KIF16B: variants seen among roughly 807,000 people sequenced by gnomAD.
KIF16B encodes the protein kinesin-like protein KIF16B.
A neutral mutation model predicts 156.3 loss-of-function variants in KIF16B; 98 were observed. The observed-to-expected ratio is 0.63, with a 90% CI of 0.53 to 0.74. KIF16B has a LOEUF of 0.74. KIF16B is among the 30% of genes least tolerant of loss of function. KIF16B has a pLI of 0.00. For missense variants in KIF16B, 1,421 were observed against 1,606.5 expected (o/e 0.88, Z 1.97); for synonymous variants, 564 against 583.7 (o/e 0.97, Z 0.49).
chr20:16,526,577 C>G (rs2147143803), intron 2 of KIF16B, among the ~76,000 whole-genome samples: 1 of 152,310 alleles, frequency 6.6e-6, no homozygotes, highest in Non-Finnish European at 1.5e-5. Flanking sequence ...TTGGCACCTT[C>G]TAAAGCTGTA....
At chr20:16,549,659 A>G (rs28763700) in intron 1 of KIF16B, among the ~76,000 whole-genome samples, 19,930 of 150,558 alleles carry the variant, frequency 0.13, 1,600 homozygotes, top group South Asian at 0.19. Flanking sequence ...ATATAGATCA[A>G]TGGAACAGAA....
At chr20:16,474,212 C>A (rs540091827) in intron 12 of KIF16B, among the ~76,000 whole-genome samples, 18 of 152,334 alleles carry the variant, frequency 1.2e-4, no homozygotes, top group African/African-American at 4.3e-4. Context: ...AAATATCTAA[C>A]CTGTTGACCA....
chr20:16,413,487 T>C (rs1464905756), intron 15 of KIF16B, among the ~76,000 whole-genome samples: 1 of 152,158 alleles, frequency 6.6e-6, no homozygotes, highest in Non-Finnish European at 1.5e-5. Context: ...ATAAAACAAC[T>C]CATTTTTTCT....
At chr20:16,392,141 C>T (rs1311133932) in intron 17 of KIF16B, among the ~76,000 whole-genome samples, 1 of 152,122 alleles carries the variant, frequency 6.6e-6, no homozygotes, top group African/African-American at 2.4e-5. Flanking sequence ...ATTTTGTTCC[C>T]AGCCCTCAGC....
intron 17 of KIF16B, among the ~76,000 whole-genome samples, chr20:16,392,723 C>T (rs1236522168): frequency 1.3e-5 from 2 of 152,194 alleles, no homozygotes; most frequent in Non-Finnish European, 2.9e-5. Flanking sequence ...CTCTCTGTTG[C>T]AGTGCATTTT....
At chr20:16,543,502 A>G (rs1390450921) in intron 1 of KIF16B, among the ~76,000 whole-genome samples, 1 of 152,234 alleles carries the variant, frequency 6.6e-6, no homozygotes, top group Non-Finnish European at 1.5e-5. Flanking sequence ...CTCATTACAC[A>G]TAACAGATGC....
chr20:16,440,970 T>C (rs1478940268), intron 12 of KIF16B, among the ~76,000 whole-genome samples: 1 of 152,194 alleles, frequency 6.6e-6, no homozygotes, highest in African/African-American at 2.4e-5. Context: ...TTAAAGAAAT[T>C]ACGTGTGAAA....
chr20:16,479,249 G>A (rs1228286477), intron 12 of KIF16B, among the ~76,000 whole-genome samples: 1 of 152,142 alleles, frequency 6.6e-6, no homozygotes, highest in Non-Finnish European at 1.5e-5. Context: ...ACAAACTAAT[G>A]CAGGAACAGA....
In KIF16B at chr20:16,428,979, T is replaced by C. The variant is rs113297844; in HGVS notation, c.1448A>G (p.Asp483Gly). ...LKEGQTYVGRDDASTEQDIVL... is the reference protein window; with the variant it reads ...LKEGQTYVGRGDASTEQDIVL... ...AATATCTTGCTCCGTGGAAGCATCG[T>C]CTCTACCAACGTATGTCTGACCTTC... The change falls in exon 14 of 26, where the codon GAC (aspartate) becomes GGC (glycine). Residue 483 changes from aspartate to glycine, a missense_variant. Coordinates refer to ENST00000354981, the MANE Select transcript of KIF16B (RefSeq NM_024704.5). 6.2e-7 allele frequency: 1 copy of C among 1,613,404 alleles called. No individual in the cohort carries two copies. The highest frequency in any genetic ancestry group is 8.5e-7 in the Non-Finnish European group (1 of 1,179,482).
At chr20:16,357,871 C>A (rs1219695645) in intron 22 of KIF16B, among the ~76,000 whole-genome samples, 1 of 152,148 alleles carries the variant, frequency 6.6e-6, no homozygotes, top group Non-Finnish European at 1.5e-5. Context: ...TAATGGTACA[C>A]CGATTTAGCT....
intron 1 of KIF16B, among the ~76,000 whole-genome samples, chr20:16,560,569 G>A (rs13038650): frequency 0.14 from 21,872 of 152,214 alleles, 1,592 homozygotes; most frequent in South Asian, 0.19. Flanking sequence ...CACTTTGGGA[G>A]GCCAAGGCAG....
chr20:16,424,500 T>C (rs2066305927), intron 15 of KIF16B, among the ~76,000 whole-genome samples: 1 of 152,140 alleles, frequency 6.6e-6, no homozygotes, highest in Non-Finnish European at 1.5e-5. Context: ...AATTCCTATG[T>C]CACAACAGAC....
chr20:16,325,101 T>C (rs1456343084), intron 24 of KIF16B, among the ~76,000 whole-genome samples: 1 of 152,036 alleles, frequency 6.6e-6, no homozygotes, highest in Non-Finnish European at 1.5e-5. Flanking sequence ...AAATCCAGCA[T>C]CGCTTTATGA....
chr20:16,459,307 T>C (rs376291431), intron 12 of KIF16B, among the ~76,000 whole-genome samples: 3 of 152,334 alleles, frequency 2.0e-5, no homozygotes, highest in African/African-American at 7.2e-5. Flanking sequence ...AAACTATACA[T>C]TAATATACTT....
At chr20:16,273,805 C>T (rs551924412) in intron 25 of KIF16B, among the ~76,000 whole-genome samples, 40 of 152,270 alleles carry the variant, frequency 2.6e-4, no homozygotes, top group African/African-American at 7.7e-4. Context: ...AAAACCAGCA[C>T]GTGAGGAATG....
intron 12 of KIF16B, among the ~76,000 whole-genome samples, chr20:16,460,788 G>T (rs2067327512): frequency 6.6e-6 from 1 of 151,642 alleles, no homozygotes; most frequent in African/African-American, 2.4e-5. Context: ...GATACAAATA[G>T]AAACACTGAA....
intron 24 of KIF16B, among the ~76,000 whole-genome samples, chr20:16,335,035 G>T (rs930981827): frequency 1.3e-5 from 2 of 152,130 alleles, no homozygotes; most frequent in East Asian, 3.9e-4. Flanking sequence ...AAGGGTGGAA[G>T]CCATGAGAAT....
chr20:16,433,542 CAA>C (rs1555883652), intron 12 of KIF16B, among the ~76,000 whole-genome samples: 2 of 151,788 alleles, frequency 1.3e-5, no homozygotes, highest in Non-Finnish European at 2.9e-5. Context: ...GCCATTAGGT[CAA>C]AAGTCTTACT....
chr20:16,549,402 G>A (rs2070549945), intron 1 of KIF16B, among the ~76,000 whole-genome samples: 1 of 151,850 alleles, frequency 6.6e-6, no homozygotes, highest in Non-Finnish European at 1.5e-5. Context: ...AGTATCCCAT[G>A]GTGTATATGT....
Sources: allele counts gnomAD v4.1 joint callset (sites outside exome capture counted in the v4.1 genomes callset), GRCh38; gene constraint gnomAD v4.1.1; transcripts MANE v1.5; gene names NCBI Gene and HGNC (gene_info 2026-07-23, HGNC 2026-07-21).